LRRC7: variants seen among roughly 807,000 people sequenced by gnomAD.
LRRC7 encodes leucine rich repeat containing 7.
A neutral mutation model predicts 175.7 loss-of-function variants in LRRC7; 23 were observed. The observed-to-expected ratio is 0.13, with a 90% CI of 0.09 to 0.19. The LOEUF is 0.19. Among genes scored for constraint, LRRC7 ranks in the 10% least tolerant of loss-of-function variants. LRRC7 has a pLI of 1.00. For synonymous variants in LRRC7, 685 were observed against 680.9 expected, an observed-to-expected ratio of 1.01 and a Z score of -0.09; for missense variants, 1,354 against 1,904.7, an observed-to-expected ratio of 0.71 and a Z score of 5.38.
intron 5 of LRRC7, among the ~76,000 whole-genome samples, chr1:69,827,538 A>G (rs1680061580): frequency 1.3e-5 from 2 of 152,192 alleles, no homozygotes; most frequent in Non-Finnish European, 2.9e-5. Context: ...GTTTTTAAAT[A>G]TGTTATTTCT....
intron 2 of LRRC7, among the ~76,000 whole-genome samples, chr1:69,692,848 T>C (rs1662061182): frequency 6.6e-6 from 1 of 151,872 alleles, no homozygotes; most frequent in East Asian, 1.9e-4. Flanking sequence ...GAAAAAAAAA[T>C]AGTATTTAAG....
intron 23 of LRRC7, among the ~76,000 whole-genome samples, chr1:70,064,828 A>G (rs1327201254): frequency 6.6e-6 from 1 of 151,942 alleles, no homozygotes; most frequent in Admixed American, 6.6e-5. Context: ...AATATGAAAC[A>G]TTTACAAGTT....
At chr1:69,895,457 A>G (rs918942965) in intron 7 of LRRC7, among the ~76,000 whole-genome samples, 1 of 152,186 alleles carries the variant, frequency 6.6e-6, no homozygotes, top group African/African-American at 2.4e-5. Context: ...ATTTTTGTAT[A>G]CTAATAAACT....
chr1:69,983,743 C>A (rs574609303), intron 9 of LRRC7, among the ~76,000 whole-genome samples: 1 of 152,280 alleles, frequency 6.6e-6, no homozygotes, highest in African/African-American at 2.4e-5. Context: ...CTTTGTCTAC[C>A]CAATCCTGCT....
chr1:69,731,931 G>A (rs543508536), intron 2 of LRRC7, among the ~76,000 whole-genome samples: 179 of 152,194 alleles, frequency 1.2e-3, no homozygotes, highest in African/African-American at 4.1e-3. Flanking sequence ...CCTCTCTACT[G>A]TCCCTAAATT....
chr1:69,953,801 C>T (rs1280177238), intron 8 of LRRC7, among the ~76,000 whole-genome samples: 1 of 152,010 alleles, frequency 6.6e-6, no homozygotes, highest in Non-Finnish European at 1.5e-5. Flanking sequence ...ACCATCAACA[C>T]TTGTTACAGA....
intron 1 of LRRC7, among the ~76,000 whole-genome samples, chr1:69,590,995 A>G (rs1289047241): frequency 6.6e-6 from 1 of 152,168 alleles, no homozygotes; most frequent in Non-Finnish European, 1.5e-5. Context: ...CAATTGTTAG[A>G]AACTATAACT....
chr1:69,717,026 G>C (rs974908928), intron 2 of LRRC7, among the ~76,000 whole-genome samples: 1 of 151,354 alleles, frequency 6.6e-6, no homozygotes, highest in African/African-American at 2.4e-5. Context: ...AACTAAGTTT[G>C]CAAATAAAAA....
chr1:69,628,068 T>C (rs1333749988), intron 1 of LRRC7, among the ~76,000 whole-genome samples: 1 of 152,134 alleles, frequency 6.6e-6, no homozygotes, highest in Non-Finnish European at 1.5e-5. Context: ...ACTGAAGCTT[T>C]CCCAGAACGA....
chr1:69,758,066 C>T (rs940649497), intron 2 of LRRC7, among the ~76,000 whole-genome samples: 1 of 151,968 alleles, frequency 6.6e-6, no homozygotes, highest in African/African-American at 2.4e-5. Context: ...CTGCAATAAT[C>T]ACAACAAACA....
chr1:69,840,935 G>A (rs1011589795), intron 7 of LRRC7, among the ~76,000 whole-genome samples: 1 of 151,844 alleles, frequency 6.6e-6, no homozygotes, highest in African/African-American at 2.4e-5. Context: ...ATGTGTAGAT[G>A]GTAGAGAGAA....
Position 69,994,439 on chromosome 1 carries a change from G to A in LRRC7, c.932-122G>A, listed in dbSNP as rs567374605. On this transcript the variant is annotated intron_variant, in intron 10 of 26. Transcript: ENST00000651989. ...ACGTCAGTTTTATGAGTGTGTATTA[G>A]CAGAGTTTGGCCAATTAGCATGCCA... The A allele has an allele frequency of 3.2e-5, 24 of 744,224 alleles. 2 individuals are homozygous for A. The South Asian group carries it at 3.6e-4, about 11-fold the overall frequency. 46.1% of individuals were successfully genotyped at this position (744,224 alleles called of 1,614,324 possible).
rs534519129 is a variant in LRRC7 at position 69,796,742 on chromosome 1, C to T, written c.421+4582C>T. On this transcript the variant is annotated intron_variant, in intron 4 of 26. Transcript: ENST00000651989. Reference sequence around the variant, plus strand: ...CTAGGAGGCGGAGGTTGCGGTGAGCCGAGATTGTACCATTGCACTCCAGCC... The same window carrying T: ...CTAGGAGGCGGAGGTTGCGGTGAGCTGAGATTGTACCATTGCACTCCAGCC... Among the ~76,000 whole-genome samples the T allele has an allele frequency of 7.5e-4, 113 of 151,568 alleles. 1 individual carries two copies. In the South Asian group the frequency reaches 0.023, roughly 30 times the overall value.
At chr1:69,593,817 G>A (rs1391901308) in intron 1 of LRRC7, among the ~76,000 whole-genome samples, 1 of 152,142 alleles carries the variant, frequency 6.6e-6, no homozygotes, top group Non-Finnish European at 1.5e-5. Context: ...AACCCGATCT[G>A]AGTCTGAATC....
intron 4 of LRRC7, among the ~76,000 whole-genome samples, chr1:69,798,953 G>A (rs1216275412): frequency 1.3e-5 from 2 of 151,978 alleles, no homozygotes; most frequent in Non-Finnish European, 2.9e-5. Flanking sequence ...CTAATCACTA[G>A]TGAAGTTGGC....
intron 3 of LRRC7, among the ~76,000 whole-genome samples, chr1:69,770,057 T>C (rs1016785955): frequency 2.6e-5 from 4 of 152,108 alleles, no homozygotes; most frequent in Non-Finnish European, 5.9e-5. Flanking sequence ...ACAGTGATGG[T>C]CTGGGCCACA....
chr1:69,859,034 T>C (rs1201139803), intron 7 of LRRC7, among the ~76,000 whole-genome samples: 5 of 152,076 alleles, frequency 3.3e-5, no homozygotes, highest in Non-Finnish European at 7.4e-5. Flanking sequence ...AGCAATACAA[T>C]AAATTTCACT....
At chr1:69,763,313 G>A (rs1352618744) in intron 3 of LRRC7, among the ~76,000 whole-genome samples, 1 of 151,906 alleles carries the variant, frequency 6.6e-6, no homozygotes, top group East Asian at 1.9e-4. Context: ...GGCTGCAGTA[G>A]TTCTAGAGTT....
At chr1:70,000,785 T>G (rs906678971) in intron 11 of LRRC7, among the ~76,000 whole-genome samples, 2 of 152,228 alleles carry the variant, frequency 1.3e-5, no homozygotes, top group Admixed American at 1.3e-4. Flanking sequence ...AGGCCGGTTC[T>G]GATCCAGTAG....
Sources: allele counts gnomAD v4.1 joint callset (sites outside exome capture counted in the v4.1 genomes callset), GRCh38; gene constraint gnomAD v4.1.1; transcripts MANE v1.5; gene names NCBI Gene and HGNC (gene_info 2026-07-23, HGNC 2026-07-21).